The following TEAD1 variants were observed in gnomAD, a reference collection of about 807,000 sequenced individuals.
TEAD1 encodes the protein TEA domain transcription factor 1.
A neutral mutation model predicts 54.9 loss-of-function variants in TEAD1; 9 were observed. That is an observed-to-expected ratio of 0.16 (90% CI 0.10 to 0.29). The LOEUF (loss-of-function observed/expected upper bound fraction) is 0.29, where lower values mean the gene tolerates loss of function less well. Ranked by LOEUF, TEAD1 falls within the 10% of genes least tolerant of loss-of-function variation. The pLI is 1.00. For synonymous variants in TEAD1, 200 were observed against 187.8 expected (o/e 1.07, Z -0.53); for missense variants, 387 against 535.9 (o/e 0.72, Z 2.74).
intron 5 of TEAD1, among the ~76,000 whole-genome samples, chr11:12,866,322 T>C (rs1947615873): frequency 6.6e-6 from 1 of 152,236 alleles, no homozygotes; most frequent in Non-Finnish European, 1.5e-5. Flanking sequence ...TCTGTGATGA[T>C]ATGAATTGCT....
rs1489796976 is a variant in TEAD1 at position 12,803,033 on chromosome 11, T to TGCCC, written c.202+38599_202+38600insGCCC. 2.0e-5 allele frequency among the ~76,000 whole-genome samples: 3 copies of TGCCC among 152,074 alleles called. No homozygotes were observed. In the East Asian group the frequency reaches 5.8e-4, roughly 29 times the overall value. ...GCAAGAAGCCGAGGAGACTTCTCTC[T>TGCCC]ACCCAGCCCAACCCGGGCCCTGGAT... On this transcript the variant is annotated intron_variant, in intron 3 of 12. Transcript: ENST00000527636.
At chr11:12,761,412 G>C (rs532354420) in intron 2 of TEAD1, among the ~76,000 whole-genome samples, 5 of 152,326 alleles carry the variant, frequency 3.3e-5, no homozygotes, top group Non-Finnish European at 5.9e-5. Flanking sequence ...GACACTAAGT[G>C]TGCAGTTATG....
At chr11:12,898,586 G>A (rs2134124083) in intron 9 of TEAD1, among the ~76,000 whole-genome samples, 1 of 151,782 alleles carries the variant, frequency 6.6e-6, no homozygotes, top group South Asian at 2.1e-4. Context: ...GTAGAGATGG[G>A]GTTTCTCCGT....
chr11:12,768,171 C>CA (rs1945245501), intron 3 of TEAD1, among the ~76,000 whole-genome samples: 1 of 152,164 alleles, frequency 6.6e-6, no homozygotes, highest in South Asian at 2.1e-4. Context: ...AGTCTGGACT[C>CA]TATAAATAAT....
chr11:12,800,991 G>A (rs983074506), intron 3 of TEAD1, among the ~76,000 whole-genome samples: 1 of 152,220 alleles, frequency 6.6e-6, no homozygotes, highest in African/African-American at 2.4e-5. Flanking sequence ...GATGGATGGG[G>A]ATTGCTGGAA....
At chr11:12,865,120 CGTGTGTATGTGT>C (rs1017117564) in intron 5 of TEAD1, 17 of 601,616 alleles carry the variant, frequency 2.8e-5, no homozygotes, top group Non-Finnish European at 4.3e-5. Context: ...TGTGTGTGTG[CGTGTGTATGTGT>C]GTGTTCCTAA....
intron 5 of TEAD1, among the ~76,000 whole-genome samples, chr11:12,870,454 G>C (rs373550276): frequency 9.2e-4 from 139 of 151,680 alleles, no homozygotes; most frequent in African/African-American, 3.1e-3. Context: ...TGAGATTCAA[G>C]AGCTCGGTAA....
chr11:12,692,736 G>A (rs1228994110), intron 2 of TEAD1, among the ~76,000 whole-genome samples: 1 of 152,160 alleles, frequency 6.6e-6, no homozygotes, highest in East Asian at 1.9e-4. Flanking sequence ...CTAACATAGT[G>A]GAGGCTTCAG....
chr11:12,884,482 A>T (rs1219948698), intron 9 of TEAD1, among the ~76,000 whole-genome samples: 1 of 152,188 alleles, frequency 6.6e-6, no homozygotes, highest in Non-Finnish European at 1.5e-5. Context: ...GATAACCGAG[A>T]TGCTGAACAA....
Position 12,674,744 on chromosome 11 carries a change from G to T in TEAD1, c.-298G>T, listed in dbSNP as rs1415542817. ...CCGGGCCCAGGGACCGGGAGCCGGG[G>T]AGGGAGCCGGGCACCGAGCAGAGGG... On this transcript the variant is annotated 5_prime_UTR_variant, in exon 1 of 13. Transcript: ENST00000527636. 1 of 151,018 alleles carries T rather than the reference G, an allele frequency of 6.6e-6. No individual in the cohort carries two copies. Among genetic ancestry groups the T allele is most frequent in the Non-Finnish European group, 1.5e-5 (1 of 67,750 alleles). The allele number at this position is 151,018 out of a possible 1,614,324, so 9.4% of individuals were successfully genotyped here.
intron 3 of TEAD1, among the ~76,000 whole-genome samples, chr11:12,790,929 C>T (rs1945788205): frequency 6.6e-6 from 1 of 152,158 alleles, no homozygotes; most frequent in South Asian, 2.1e-4. Context: ...AATGGTGCAG[C>T]CTCTTTGGAA....
chr11:12,790,060 G>C (rs370624483), intron 3 of TEAD1, among the ~76,000 whole-genome samples: 1 of 152,382 alleles, frequency 6.6e-6, no homozygotes, highest in East Asian at 1.9e-4. Flanking sequence ...CATTACCTCT[G>C]TAGGGCTGTT....
chr11:12,798,165 C>T (rs978735426), intron 3 of TEAD1, among the ~76,000 whole-genome samples: 15 of 152,176 alleles, frequency 9.9e-5, no homozygotes, highest in African/African-American at 3.4e-4. Flanking sequence ...TGCACACATG[C>T]TCTGTGGTTG....
chr11:12,743,413 T>A (rs1944684659), intron 2 of TEAD1, among the ~76,000 whole-genome samples: 1 of 152,236 alleles, frequency 6.6e-6, no homozygotes, highest in Non-Finnish European at 1.5e-5. Flanking sequence ...TGATTAATGA[T>A]CTGAAAGTTC....
At chr11:12,830,976 G>T (rs962071653) in intron 3 of TEAD1, among the ~76,000 whole-genome samples, 1 of 152,032 alleles carries the variant, frequency 6.6e-6, no homozygotes, top group East Asian at 1.9e-4. Context: ...TTCATCTGCC[G>T]CAGGACCTCA....
intron 9 of TEAD1, among the ~76,000 whole-genome samples, chr11:12,894,361 A>G (rs1948264884): frequency 6.6e-6 from 1 of 152,126 alleles, no homozygotes. Flanking sequence ...TTCCACAAAG[A>G]TTGAACTGCC....
intron 3 of TEAD1, among the ~76,000 whole-genome samples, chr11:12,783,750 A>G (rs541686493): frequency 6.6e-6 from 1 of 152,286 alleles, no homozygotes; most frequent in South Asian, 2.1e-4. Flanking sequence ...AGGCAGAGAG[A>G]TGTGAAAATA....
intron 2 of TEAD1, among the ~76,000 whole-genome samples, chr11:12,700,892 G>A (rs945618327): frequency 6.6e-6 from 1 of 152,120 alleles, no homozygotes. Context: ...GATCACAGTC[G>A]CTCCACTGCA....
chr11:12,764,970 G>A (rs1945176311), intron 3 of TEAD1, among the ~76,000 whole-genome samples: 1 of 150,608 alleles, frequency 6.6e-6, no homozygotes, highest in African/African-American at 2.4e-5. Flanking sequence ...GAGAAAACAT[G>A]TATGTGCATG....
Sources: gnomAD v4.1 joint callset for allele counts (sites outside exome capture counted in the v4.1 genomes callset) on GRCh38, gnomAD v4.1.1 for gene constraint, MANE v1.5 for transcripts, NCBI Gene and HGNC (gene_info 2026-07-23, HGNC 2026-07-21) for gene names.